The following KIAA1217 variants were observed in gnomAD, a reference collection of about 807,000 sequenced individuals.
KIAA1217 encodes the protein sickle tail protein homolog.
A neutral mutation model predicts 163.9 loss-of-function variants in KIAA1217; 88 were observed. The ratio of observed to expected loss-of-function variants is 0.54; its 90% CI spans 0.45 to 0.64. KIAA1217 has a LOEUF of 0.64. KIAA1217 is among the 30% of genes least tolerant of loss of function. KIAA1217 has a pLI of 0.00. For synonymous variants in KIAA1217, 903 were observed against 923.1 expected (o/e 0.98, Z 0.39); for missense variants, 2,372 against 2,475.0 (o/e 0.96, Z 0.88).
At chr10:24,062,412 G>C (rs1417178450) in intron 2 of KIAA1217, among the ~76,000 whole-genome samples, 1 of 150,528 alleles carries the variant, frequency 6.6e-6, no homozygotes, top group Non-Finnish European at 1.5e-5. Context: ...CCTTGAGATA[G>C]TTTGCTCAGA....
intron 2 of KIAA1217, among the ~76,000 whole-genome samples, chr10:24,299,494 G>A (rs532890274): frequency 2.6e-5 from 4 of 152,160 alleles, no homozygotes; most frequent in African/African-American, 9.6e-5. Flanking sequence ...GACCTCCCTG[G>A]CTCAAACAGT....
At chr10:23,811,991 G>C (rs1317004918) in intron 1 of KIAA1217, among the ~76,000 whole-genome samples, 1 of 152,122 alleles carries the variant, frequency 6.6e-6, no homozygotes, top group East Asian at 1.9e-4. Context: ...GGGCTGAGGT[G>C]AGGGGATCGC....
At chr10:24,479,241 A>G (rs562874011) in intron 6 of KIAA1217, among the ~76,000 whole-genome samples, 1 of 152,320 alleles carries the variant, frequency 6.6e-6, no homozygotes, top group Non-Finnish European at 1.5e-5. Flanking sequence ...TGAGGATTCA[A>G]TGTTACTATG....
chr10:24,021,008 TAC>T (rs1847708467), intron 2 of KIAA1217, among the ~76,000 whole-genome samples: 1 of 152,040 alleles, frequency 6.6e-6, no homozygotes, highest in African/African-American at 2.4e-5. Context: ...GAAGCTAATT[TAC>T]AGAGTCAGCC....
At chr10:24,499,706 T>C (rs1347150184) in intron 8 of KIAA1217, among the ~76,000 whole-genome samples, 1 of 152,108 alleles carries the variant, frequency 6.6e-6, no homozygotes, top group Non-Finnish European at 1.5e-5. Flanking sequence ...CACTCCAGCC[T>C]GGACAAGACA....
chr10:24,255,609 C>A (rs2075064356), intron 2 of KIAA1217: 1 of 446,366 alleles, frequency 2.2e-6, no homozygotes. Flanking sequence ...ACAGGAGTGG[C>A]CTGATTCTGG....
intron 2 of KIAA1217, among the ~76,000 whole-genome samples, chr10:24,008,734 G>A (rs1453319710): frequency 1.3e-5 from 2 of 152,048 alleles, no homozygotes; most frequent in East Asian, 3.9e-4. Flanking sequence ...GACTGTCTCT[G>A]CCAAACCAGC....
chr10:24,192,561 C>T (rs1384765267), intron 2 of KIAA1217, among the ~76,000 whole-genome samples: 8 of 152,220 alleles, frequency 5.3e-5, no homozygotes, highest in Non-Finnish European at 8.8e-5. Flanking sequence ...GCCCAGGCTT[C>T]TAAGAGAAGC....
chr10:24,177,916 G>C (rs1015032215), intron 2 of KIAA1217, among the ~76,000 whole-genome samples: 3 of 152,206 alleles, frequency 2.0e-5, no homozygotes, highest in Admixed American at 1.3e-4. Flanking sequence ...CTGATTGCAA[G>C]AAGGAGCATC....
chr10:23,949,422 A>G (rs1844223482), intron 1 of KIAA1217, among the ~76,000 whole-genome samples: 1 of 152,222 alleles, frequency 6.6e-6, no homozygotes, highest in Admixed American at 6.5e-5. Context: ...GTTTGTAGAA[A>G]TACACACGAC....
chr10:24,494,133 A>T (rs780149308), intron 6 of KIAA1217, among the ~76,000 whole-genome samples: 63 of 152,282 alleles, frequency 4.1e-4, no homozygotes, highest in Non-Finnish European at 7.9e-4. Flanking sequence ...GCTAGGTGAG[A>T]TCTGGCCTGG....
intron 9 of KIAA1217, among the ~76,000 whole-genome samples, chr10:24,511,901 T>G: frequency 6.6e-6 from 1 of 152,178 alleles, no homozygotes. Flanking sequence ...GCCAGACACT[T>G]TATTTTATTG....
intron 2 of KIAA1217, among the ~76,000 whole-genome samples, chr10:24,174,692 G>A (rs2065785724): frequency 6.6e-6 from 1 of 152,156 alleles, no homozygotes; most frequent in Admixed American, 6.5e-5. Context: ...ACTCATCGAG[G>A]AACTACAGAC....
At chr10:24,536,753 C>T in intron 16 of KIAA1217, 21 bp from the exon 17 acceptor site, 1 of 1,611,892 alleles carries the variant, frequency 6.2e-7, no homozygotes, top group Non-Finnish European at 8.5e-7. Flanking sequence ...CCCTGTTAAC[C>T]TCAGTATTTT....
At chr10:23,813,641 T>A (rs1837178660) in intron 1 of KIAA1217, among the ~76,000 whole-genome samples, 1 of 152,176 alleles carries the variant, frequency 6.6e-6, no homozygotes, top group Admixed American at 6.5e-5. Flanking sequence ...TGCACACTTG[T>A]AAAGTATTTT....
At chr10:24,050,873 T>C (rs1849451912) in intron 2 of KIAA1217, among the ~76,000 whole-genome samples, 1 of 152,204 alleles carries the variant, frequency 6.6e-6, no homozygotes, top group South Asian at 2.1e-4. Flanking sequence ...CAAAAACTGC[T>C]AGAACACCTC....
At chr10:24,340,584 T>C (rs554580582) in intron 2 of KIAA1217, among the ~76,000 whole-genome samples, 1 of 152,176 alleles carries the variant, frequency 6.6e-6, no homozygotes, top group African/African-American at 2.4e-5. Context: ...TGCAGTTCCC[T>C]CCACCCGCAT....
chr10:24,454,065 C>G lies in KIAA1217; in HGVS notation c.846+15586C>G, dbSNP rs569953043. On this transcript the variant is annotated intron_variant, in intron 5 of 20. Transcript: ENST00000376454. ...GGGTAAAACTTGATTTAAAAGCATA[C>G]AATTGGCAAAAAAAAAGAAAAACGA... 9.9e-5 allele frequency among the ~76,000 whole-genome samples: 15 copies of G among 151,374 alleles called. No homozygotes were observed. In the South Asian group the frequency reaches 3.1e-3, roughly 32 times the overall value.
At chr10:24,400,768 A>G (rs763382671) in intron 3 of KIAA1217, among the ~76,000 whole-genome samples, 49 of 152,290 alleles carry the variant, frequency 3.2e-4, no homozygotes, top group Non-Finnish European at 6.0e-4. Flanking sequence ...GAGAGAAAAC[A>G]TGAAAGACCA....
Sources: allele counts gnomAD v4.1 joint callset (sites outside exome capture counted in the v4.1 genomes callset), GRCh38; gene constraint gnomAD v4.1.1; transcripts MANE v1.5; gene names NCBI Gene and HGNC (gene_info 2026-07-23, HGNC 2026-07-21).